Variants in NAALADL2 observed in about 807,000 individuals in gnomAD.
NAALADL2 encodes the protein N-acetylated alpha-linked acidic dipeptidase like 2.
NAALADL2 carries 76 observed loss-of-function variants against 87.2 expected under a neutral mutation model. The ratio of observed to expected loss-of-function variants is 0.87; its 90% CI spans 0.72 to 1.05. The LOEUF (loss-of-function observed/expected upper bound fraction) is 1.05, where lower values mean the gene tolerates loss of function less well. Ranked by LOEUF, NAALADL2 falls within the 50% of genes least tolerant of loss-of-function variation. NAALADL2 has a pLI of 0.00. For synonymous variants in NAALADL2, 354 were observed against 331.0 expected (o/e 1.07, Z -0.75); for missense variants, 1,089 against 945.8 (o/e 1.15, Z -1.99).
At chr3:175,300,557 T>G (rs1756928160) in intron 4 of NAALADL2, among the ~76,000 whole-genome samples, 2 of 152,014 alleles carry the variant, frequency 1.3e-5, no homozygotes, top group Non-Finnish European at 1.5e-5. Context: ...TCTTCTAGAT[T>G]TTCTAGTTTA....
At chr3:175,193,098 T>C (rs1738446868) in intron 2 of NAALADL2, among the ~76,000 whole-genome samples, 1 of 152,056 alleles carries the variant, frequency 6.6e-6, no homozygotes, top group Non-Finnish European at 1.5e-5. Flanking sequence ...TTGTAATCTT[T>C]ATATTTTTAA....
chr3:175,527,815 A>G (rs1733611923), intron 9 of NAALADL2, among the ~76,000 whole-genome samples: 1 of 152,216 alleles, frequency 6.6e-6, no homozygotes, highest in Admixed American at 6.5e-5. Flanking sequence ...CATATTTGTT[A>G]TATCACATAC....
At chr3:174,853,191 C>A (rs1223377163) in intron 3 of NAALADL2, among the ~76,000 whole-genome samples, 19 of 125,634 alleles carry the variant, frequency 1.5e-4, no homozygotes, top group Admixed American at 1.3e-3. Context: ...TGGTGAAACC[C>A]CGTCTCTACC....
At chr3:175,379,955 A>G (rs1346718442) in intron 5 of NAALADL2, among the ~76,000 whole-genome samples, 1 of 152,110 alleles carries the variant, frequency 6.6e-6, no homozygotes, top group Non-Finnish European at 1.5e-5. Context: ...AAGGACAAAA[A>G]ACCAAACACT....
chr3:174,682,066 A>G (rs1019661629), intron 2 of NAALADL2, among the ~76,000 whole-genome samples: 2 of 152,112 alleles, frequency 1.3e-5, no homozygotes, highest in Non-Finnish European at 1.5e-5. Context: ...ACTCACCCCC[A>G]ACCAAAGGCA....
intron 2 of NAALADL2, among the ~76,000 whole-genome samples, chr3:175,101,600 A>G (rs1364417149): frequency 6.6e-6 from 1 of 152,264 alleles, no homozygotes; most frequent in East Asian, 1.9e-4. Flanking sequence ...CAAAAGCCGC[A>G]ATTACTTTTG....
chr3:175,114,718 A>G (rs1724804494), intron 2 of NAALADL2, among the ~76,000 whole-genome samples: 2 of 151,588 alleles, frequency 1.3e-5, no homozygotes, highest in South Asian at 4.1e-4. Flanking sequence ...TCACAGTAAT[A>G]CATTGGGACT....
At chr3:175,182,551 T>TTTTG (rs1736732671) in intron 2 of NAALADL2, among the ~76,000 whole-genome samples, 2 of 38,952 alleles carry the variant, frequency 5.1e-5, no homozygotes, top group Admixed American at 7.0e-4. Flanking sequence ...CCACAGCCAG[T>TTTTG]TTTTTTTTTT....
chr3:174,551,929 C>T (rs1712176181), intron 2 of NAALADL2, among the ~76,000 whole-genome samples: 2 of 152,134 alleles, frequency 1.3e-5, no homozygotes, highest in African/African-American at 4.8e-5. Flanking sequence ...CAAATTCTGC[C>T]ACTGCTACAT....
intron 1 of NAALADL2, among the ~76,000 whole-genome samples, chr3:174,998,870 T>G (rs1206270145): frequency 6.6e-6 from 1 of 152,178 alleles, no homozygotes; most frequent in Non-Finnish European, 1.5e-5. Context: ...ATCATTAAAT[T>G]GTATCTGTAT....
chr3:175,612,249 T>C (rs1355161754), intron 10 of NAALADL2, among the ~76,000 whole-genome samples: 1 of 152,150 alleles, frequency 6.6e-6, no homozygotes, highest in East Asian at 1.9e-4. Flanking sequence ...TTGGGACAGA[T>C]TTAAACAACC....
At chr3:175,729,767 G>A (rs918529688) in intron 11 of NAALADL2, among the ~76,000 whole-genome samples, 1 of 135,430 alleles carries the variant, frequency 7.4e-6, no homozygotes, top group African/African-American at 3.1e-5. Context: ...TTCAGCTGAA[G>A]GTTTTTTTTT....
At chr3:175,551,313 G>A (rs1714321069) in intron 9 of NAALADL2, among the ~76,000 whole-genome samples, 1 of 152,096 alleles carries the variant, frequency 6.6e-6, no homozygotes, top group Non-Finnish European at 1.5e-5. Flanking sequence ...GAGAGTGTCG[G>A]TGTTGTAGGG....
At chr3:174,869,738 A>T (rs979662218) in intron 1 of NAALADL2, among the ~76,000 whole-genome samples, 1 of 152,006 alleles carries the variant, frequency 6.6e-6, no homozygotes, top group African/African-American at 2.4e-5. Flanking sequence ...ACTAGGAAAA[A>T]AATAAAACGC....
intron 11 of NAALADL2, among the ~76,000 whole-genome samples, chr3:175,682,467 A>G (rs1735723594): frequency 6.6e-6 from 1 of 152,058 alleles, no homozygotes. Context: ...TCCACAATAC[A>G]GTGCTGAGAG....
chr3:175,544,504 C>T (rs1201952517), intron 9 of NAALADL2, among the ~76,000 whole-genome samples: 4 of 152,056 alleles, frequency 2.6e-5, no homozygotes, highest in African/African-American at 9.7e-5. Flanking sequence ...TGAAATTTTT[C>T]GTATCTTCTT....
intron 2 of NAALADL2, among the ~76,000 whole-genome samples, chr3:175,210,338 G>T (rs1741587333): frequency 6.6e-6 from 1 of 151,738 alleles, no homozygotes; most frequent in Non-Finnish European, 1.5e-5. Flanking sequence ...CATTCCATGT[G>T]ATGTGGAGGG....
chr3:174,791,443 C>T (rs926119823), intron 3 of NAALADL2, among the ~76,000 whole-genome samples: 20 of 152,192 alleles, frequency 1.3e-4, no homozygotes, highest in African/African-American at 4.6e-4. Context: ...CATGTATGAA[C>T]ACATAAACAG....
intron 1 of NAALADL2, among the ~76,000 whole-genome samples, chr3:174,978,451 A>G (rs920626990): frequency 6.6e-6 from 1 of 152,162 alleles, no homozygotes; most frequent in Non-Finnish European, 1.5e-5. Context: ...ATTAAAAGAG[A>G]TGTTTGCTGT....
Sources: gnomAD v4.1 joint callset for allele counts (sites outside exome capture counted in the v4.1 genomes callset) on GRCh38, gnomAD v4.1.1 for gene constraint, MANE v1.5 for transcripts, NCBI Gene and HGNC (gene_info 2026-07-23, HGNC 2026-07-21) for gene names.